Variants in PSMF1 observed in about 807,000 individuals in gnomAD.
The protein encoded by PSMF1 is proteasome inhibitor subunit 1, also known as proteasome inhibitor PI31 subunit.
A neutral mutation model predicts 29.3 loss-of-function variants in PSMF1; 30 were observed. That is an observed-to-expected ratio of 1.02 (90% CI 0.77 to 1.39). The LOEUF is 1.39. Ranked by LOEUF, PSMF1 falls within the 40% of genes most tolerant of loss-of-function variation. The pLI, the probability that PSMF1 is intolerant of heterozygous loss-of-function variation, is 0.00. For synonymous variants in PSMF1, 134 were observed against 139.7 expected, an observed-to-expected ratio of 0.96 and a Z score of 0.29; for missense variants, 344 against 357.5, an observed-to-expected ratio of 0.96 and a Z score of 0.31.
chr20:1,119,358 C>G (rs1022724097), intron 1 of PSMF1, among the ~76,000 whole-genome samples: 1 of 152,158 alleles, frequency 6.6e-6, no homozygotes, highest in African/African-American at 2.4e-5. Flanking sequence ...GATCCAAGCA[C>G]AGGTACAGGA....
intron 2 of PSMF1, 189 bp from the exon 3 acceptor site, chr20:1,127,237 A>C (rs1309485847): frequency 1.3e-5 from 10 of 753,886 alleles, no homozygotes; most frequent in Non-Finnish European, 2.4e-5. Context: ...TGCCTTGGAA[A>C]GGCAATATTC....
chr20:1,136,930 T>TA (rs1367350671), intron 4 of PSMF1, among the ~76,000 whole-genome samples: 1 of 152,214 alleles, frequency 6.6e-6, no homozygotes, highest in African/African-American at 2.4e-5. Flanking sequence ...AAAAAATACT[T>TA]AGTGTTCATA....
At chr20:1,159,140 CTT>C (rs1051425670) in intron 4 of PSMF1, among the ~76,000 whole-genome samples, 177 of 151,928 alleles carry the variant, frequency 1.2e-3, no homozygotes, top group African/African-American at 4.1e-3. Flanking sequence ...TGCAGTGAGT[CTT>C]TGTTGAATAT....
chr20:1,158,401 G>T (rs1375284888), intron 4 of PSMF1, among the ~76,000 whole-genome samples: 1 of 152,136 alleles, frequency 6.6e-6, no homozygotes, highest in South Asian at 2.1e-4. Flanking sequence ...ACATCTTAAA[G>T]ACTGAAGTGC....
Position 1,165,193 on chromosome 20 carries a change from T to A in PSMF1, c.*113T>A. ...CTGGGGGCAAGGGATTCTGCTCATG[T>A]GTTTGCAGACCGGCTGGGATAGCCT... is the stretch of plus-strand genomic sequence containing the variant. On this transcript the variant is annotated 3_prime_UTR_variant, in exon 7 of 7. Coordinates refer to ENST00000335877, the MANE Select transcript of PSMF1 (RefSeq NM_006814.5). 6.4e-7 allele frequency: 1 copy of A among 1,573,244 alleles called. No individual in the cohort carries two copies. Among genetic ancestry groups the A allele is most frequent in the South Asian group, 1.2e-5 (1 of 85,578 alleles).
At chr20:1,129,072 G>C (rs935251893) in intron 3 of PSMF1, among the ~76,000 whole-genome samples, 6 of 151,842 alleles carry the variant, frequency 4.0e-5, no homozygotes, top group African/African-American at 1.2e-4. Context: ...GTAGAGATGG[G>C]GTTTCACCAT....
At chr20:1,131,595 C>T (rs907750583) in intron 3 of PSMF1, among the ~76,000 whole-genome samples, 2 of 152,224 alleles carry the variant, frequency 1.3e-5, no homozygotes, top group Admixed American at 1.3e-4. Context: ...TGTCTCCCTC[C>T]TATGCCTTTC....
At position 1,164,574 on chromosome 20, in the gene PSMF1, C is replaced by T. The variant is rs921675785; in HGVS notation, c.764+98C>T. ...TTTCTAGCCCCAGGCACAGAGCTGC[C>T]GCTGCCTTCACCTGTTGCTGCCAGG... On this transcript the variant is annotated intron_variant, in intron 6 of 6. Coordinates refer to ENST00000335877, the MANE Select transcript of PSMF1 (RefSeq NM_006814.5). The surrounding 1 kb of genome is among the most constrained non-coding windows in gnomAD (Gnocchi z 4.1). The T allele has an allele frequency of 2.0e-5, 30 of 1,490,126 alleles. No homozygotes were observed. Among genetic ancestry groups the T allele is most frequent in the Non-Finnish European group, 2.6e-5 (28 of 1,089,132 alleles). The allele number at this position is 1,490,126 out of a possible 1,614,324, so 92.3% of individuals were successfully genotyped here.
Position 1,125,859 on chromosome 20 carries a change from G to A in PSMF1, c.282+209G>A. On this transcript the variant is annotated intron_variant, in intron 2 of 6. Transcript: ENST00000335877. The stretch of plus-strand genomic sequence containing the variant: ...ATCCACCACCTGGAATTAAGAAGGA[G>A]GGGCTTTCTGTCAACAGGGGAATGG... The A allele has an allele frequency of 9.7e-6, 7 of 724,824 alleles. No individual in the cohort carries two copies. The South Asian group carries it at 1.0e-4, about 11-fold the overall frequency. The allele number at this position is 724,824 out of a possible 1,614,324, so 44.9% of individuals were successfully genotyped here.
upstream of PSMF1, chr20:1,118,006 T>C (rs2086029173): frequency 6.6e-6 from 1 of 152,234 alleles, no homozygotes; most frequent in African/African-American, 2.4e-5. Flanking sequence ...ATGGGGATAA[T>C]AACGGTCCAT....
intron 4 of PSMF1, among the ~76,000 whole-genome samples, chr20:1,135,910 A>G (rs1160433217): frequency 6.6e-6 from 1 of 152,218 alleles, no homozygotes; most frequent in African/African-American, 2.4e-5. Flanking sequence ...AGGGGACCCT[A>G]GTCTCTAGCT....
chr20:1,160,950 G>C (rs748634915), intron 4 of PSMF1: 2 of 440,090 alleles, frequency 4.5e-6, no homozygotes, highest in Non-Finnish European at 9.1e-6. Flanking sequence ...CTCAGATCAT[G>C]TTTGAGACCT....
intron 4 of PSMF1, among the ~76,000 whole-genome samples, chr20:1,149,907 C>T (rs1027027848): frequency 5.3e-5 from 8 of 151,662 alleles, no homozygotes; most frequent in South Asian, 2.1e-4. Flanking sequence ...ACCCTGGAGT[C>T]CCAACTACTT....
At chr20:1,137,978 A>T (rs1300486052) in intron 4 of PSMF1, among the ~76,000 whole-genome samples, 2 of 152,216 alleles carry the variant, frequency 1.3e-5, no homozygotes, top group East Asian at 3.8e-4. Context: ...GACTATTGAT[A>T]ATTATTGAAG....
chr20:1,130,235 T>A (rs918128507), intron 3 of PSMF1, among the ~76,000 whole-genome samples: 7 of 152,122 alleles, frequency 4.6e-5, no homozygotes, highest in African/African-American at 1.7e-4. Flanking sequence ...TGAAAAGAGA[T>A]CTGGAGATGG....
At position 1,170,256 on chromosome 20, in the gene PSMF1, T is replaced by G. The variant is rs934863876; in HGVS notation, c.*5176T>G. 6.6e-6 allele frequency among the ~76,000 whole-genome samples: 1 copy of G among 152,210 alleles called. No individual in the cohort carries two copies. Among genetic ancestry groups the G allele is most frequent in the Admixed American group, 6.5e-5 (1 of 15,288 alleles). ...AGTTCTCCATGAGATTTGTGTAAAC[T>G]TAAAGTGAGAGAAGCTCACATGGAC... On this transcript the variant is annotated 3_prime_UTR_variant, in exon 7 of 7. Coordinates refer to ENST00000335877, the MANE Select transcript of PSMF1 (RefSeq NM_006814.5).
At chr20:1,157,381 TCATA>T in intron 4 of PSMF1, among the ~76,000 whole-genome samples, 1 of 152,162 alleles carries the variant, frequency 6.6e-6, no homozygotes, top group Non-Finnish European at 1.5e-5. Flanking sequence ...TCTCCTGAGA[TCATA>T]CATAATCTTC....
chr20:1,116,896 A>T (rs2086016471), upstream of PSMF1, among the ~76,000 whole-genome samples: 1 of 152,162 alleles, frequency 6.6e-6, no homozygotes, highest in Non-Finnish European at 1.5e-5. Context: ...GAAATGAAGA[A>T]GCAAGACATG....
chr20:1,166,727 A>C lies in PSMF1; in HGVS notation c.*1647A>C, dbSNP rs2122626900. The C allele has an allele frequency of 5.8e-6, 1 of 171,264 alleles. No individual in the cohort carries two copies. The highest frequency in any genetic ancestry group is 1.5e-4 in the East Asian group (1 of 6,674). The allele number at this position is 171,264 out of a possible 1,614,324, so 10.6% of individuals were successfully genotyped here. A position where few individuals can be genotyped will look rare whatever the true frequency, so the allele number is the denominator to read the frequency against. ...TTGGAGAAAGACCCAGAGATCAGGC[A>C]GAGGTGCAGATTCAATCATTACTCA... On this transcript the variant is annotated 3_prime_UTR_variant, in exon 7 of 7. Coordinates refer to ENST00000335877, the MANE Select transcript of PSMF1 (RefSeq NM_006814.5).
Sources: gnomAD v4.1 joint callset for allele counts (sites outside exome capture counted in the v4.1 genomes callset) on GRCh38, gnomAD v4.1.1 for gene constraint, Gnocchi (gnomAD v3.1) non-coding constraint, MANE v1.5 for transcripts, NCBI Gene and HGNC (gene_info 2026-07-23, HGNC 2026-07-21) for gene names.